SYNRG: variants seen among roughly 807,000 people sequenced by gnomAD.
The protein encoded by SYNRG is AP1 gamma subunit binding protein 1.
SYNRG carries 37 observed loss-of-function variants against 130.9 expected under a neutral mutation model. The observed-to-expected ratio is 0.28, with a 90% CI of 0.22 to 0.37. SYNRG has a LOEUF of 0.37. Among genes scored for constraint, SYNRG ranks in the 10% least tolerant of loss-of-function variants. The pLI, the probability that SYNRG is intolerant of heterozygous loss-of-function variation, is 1.00. For synonymous variants in SYNRG, 539 were observed against 568.1 expected, an observed-to-expected ratio of 0.95 and a Z score of 0.73; for missense variants, 1,338 against 1,588.9, an observed-to-expected ratio of 0.84 and a Z score of 2.68.
In SYNRG at chr17:37,525,772, C is replaced by T. The variant is rs565257455; in HGVS notation, c.3667-5124G>A. Among the ~76,000 whole-genome samples the T allele has an allele frequency of 7.2e-5, 11 of 152,298 alleles. No individual in the cohort carries two copies. In the South Asian group the frequency reaches 1.5e-3, roughly 20 times the overall value. ...CACGAGGTCAGGCTTTGGAGACCAG[C>T]CTGGCCAACATGGTGAAACCCCGTC... is the stretch of plus-strand genomic sequence containing the variant. On this transcript the variant is annotated intron_variant, in intron 19 of 21. Transcript: ENST00000612223.
chr17:37,534,065 G>C (rs1279272304), intron 19 of SYNRG, among the ~76,000 whole-genome samples: 1 of 148,762 alleles, frequency 6.7e-6, no homozygotes, highest in Non-Finnish European at 1.5e-5. Flanking sequence ...CTCCTGAGTA[G>C]TGGGGATTAC....
chr17:37,537,508 T>C (rs2057314993), intron 18 of SYNRG: 1 of 152,294 alleles, frequency 6.6e-6, no homozygotes, highest in African/African-American at 2.4e-5. Flanking sequence ...TGCACACCTG[T>C]GGTTCCAGCT....
At chr17:37,596,776 T>C (rs2062813781) in intron 2 of SYNRG, among the ~76,000 whole-genome samples, 1 of 152,070 alleles carries the variant, frequency 6.6e-6, no homozygotes, top group Admixed American at 6.6e-5. Flanking sequence ...ATTTTTTTTT[T>C]CTTTTGAGAC....
At position 37,541,026 on chromosome 17, in the gene SYNRG, C is replaced by G. The variant is rs941224478; in HGVS notation, c.3203-483G>C. 5.1e-6 allele frequency: 5 copies of G among 986,764 alleles called. No individual in the cohort carries two copies. In the African/African-American group the frequency reaches 8.7e-5, roughly 17 times the overall value. The allele number at this position is 986,764 out of a possible 1,614,324, so 61.1% of individuals were successfully genotyped here. On this transcript the variant is annotated intron_variant, in intron 15 of 21. Coordinates refer to ENST00000612223, the MANE Select transcript of SYNRG (RefSeq NM_007247.6). ...TGGGAAGCTACATGTTAAATCTTTT[C>G]TACTGTTCTCTCTTGCACGGTTTCC... is the stretch of plus-strand genomic sequence containing the variant.
At chr17:37,590,167 C>CAA (rs539326843) in intron 3 of SYNRG, among the ~76,000 whole-genome samples, 7 of 80,098 alleles carry the variant, frequency 8.7e-5, no homozygotes, top group African/African-American at 2.3e-4. Flanking sequence ...GACTCTGTCT[C>CAA]AAAAAAAAAA....
chr17:37,521,273 A>G (rs2074408), intron 19 of SYNRG, among the ~76,000 whole-genome samples: 41,563 of 151,598 alleles, frequency 0.27, 5,883 homozygotes, highest in Admixed American at 0.36. Context: ...CAGGTGATCC[A>G]CCCGCCTCAG....
chr17:37,584,489 T>TAA (rs1227350900), intron 6 of SYNRG, 159 bp downstream of exon 6: 2 of 553,504 alleles, frequency 3.6e-6, no homozygotes, highest in Non-Finnish European at 6.5e-6. Context: ...CCAGAGCTCT[T>TAA]AAGCCACTGT....
intron 14 of SYNRG, among the ~76,000 whole-genome samples, chr17:37,543,589 T>C (rs527498083): frequency 6.6e-6 from 1 of 152,342 alleles, no homozygotes; most frequent in South Asian, 2.1e-4. Flanking sequence ...GACTGTGTTA[T>C]GACCATCAAC....
chr17:37,579,710 T>C (rs1197850231), intron 6 of SYNRG, among the ~76,000 whole-genome samples: 1 of 152,176 alleles, frequency 6.6e-6, no homozygotes, highest in Non-Finnish European at 1.5e-5. Flanking sequence ...CATGTATCTA[T>C]TCATTTATTT....
intron 6 of SYNRG, 70 bp downstream of exon 6, chr17:37,584,578 G>A (rs1319438683): frequency 8.3e-6 from 10 of 1,200,666 alleles, no homozygotes; most frequent in East Asian, 2.3e-5. Context: ...ATATAATGGC[G>A]AGGTAAAGAA....
At chr17:37,546,588 T>C (rs921997749) in intron 14 of SYNRG, among the ~76,000 whole-genome samples, 6 of 152,214 alleles carry the variant, frequency 3.9e-5, no homozygotes, top group Non-Finnish European at 7.3e-5. Context: ...TGAATAGATG[T>C]TGTACATGAA....
intron 8 of SYNRG, 132 bp downstream of exon 8, chr17:37,576,209 T>C (rs1023058839): frequency 5.0e-6 from 4 of 798,848 alleles, no homozygotes; most frequent in South Asian, 3.7e-5. Context: ...TTCTGTACTC[T>C]TTCAGAAAAA....
chr17:37,560,406 G>A (rs2059436980), intron 13 of SYNRG, among the ~76,000 whole-genome samples: 1 of 150,834 alleles, frequency 6.6e-6, no homozygotes, highest in South Asian at 2.1e-4. Context: ...CATGATCTTG[G>A]TTCACTGCAA....
chr17:37,584,537 G>A (rs1393283919), intron 6 of SYNRG, 111 bp downstream of exon 6: 3 of 813,642 alleles, frequency 3.7e-6, no homozygotes, highest in Non-Finnish European at 6.1e-6. Context: ...TAGCTTGAAG[G>A]AAGAGTTCTA....
At chr17:37,536,259 C>T in intron 18 of SYNRG, 132 bp from the exon 19 acceptor site, 8 of 1,096,236 alleles carry the variant, frequency 7.3e-6, no homozygotes. Context: ...ACTTACTATT[C>T]TTTGGGACCA....
Position 37,576,329 on chromosome 17 carries a change from A to C in SYNRG, c.901+12T>G. ...ATCCAGATGGGAATCCTGGGTAAAG[A>C]AGCTTTTTTACCTGGAACCAAACTC... On this transcript the variant is annotated intron_variant, in intron 8 of 21. Coordinates refer to ENST00000612223, the MANE Select transcript of SYNRG (RefSeq NM_007247.6). 6.2e-7 allele frequency: 1 copy of C among 1,613,398 alleles called. No homozygotes were observed.
Position 37,570,796 on chromosome 17 carries a change from A to C in SYNRG, c.1188T>G (p.Pro396=), listed in dbSNP as rs1325054443. Residue 396 remains proline (P), a synonymous_variant, in exon 10 of 22, where the codon CCT becomes CCG. Coordinates refer to ENST00000612223, the MANE Select transcript of SYNRG (RefSeq NM_007247.6). ...TCACAGTTGGCTGACTCACCGGTGT[A>C]GGCAGAGTCATAGAAAAGCCACTTA... is the stretch of plus-strand genomic sequence containing the variant. The part of the protein sequence containing the change: ...PTLSGFSMTL[P]TPVSQPTVIP... The C allele has an allele frequency of 1.2e-6, 2 of 1,614,126 alleles. No homozygotes were observed. Among genetic ancestry groups the C allele is most frequent in the African/African-American group, 2.7e-5 (2 of 74,928 alleles).
intron 2 of SYNRG, among the ~76,000 whole-genome samples, chr17:37,599,302 C>G (rs1167419302): frequency 2.0e-5 from 3 of 152,188 alleles, no homozygotes; most frequent in African/African-American, 7.2e-5. Context: ...AGTTGCATGG[C>G]AGCATGGGTC....
At chr17:37,520,699 G>T in intron 19 of SYNRG, 51 bp from the exon 20 acceptor site, 2 of 1,475,804 alleles carry the variant, frequency 1.4e-6, no homozygotes, top group Non-Finnish European at 1.9e-6. Flanking sequence ...TCCACACGCT[G>T]TTCACTTCAC....
Sources: allele counts gnomAD v4.1 joint callset (sites outside exome capture counted in the v4.1 genomes callset), GRCh38; gene constraint gnomAD v4.1.1; transcripts MANE v1.5; gene names NCBI Gene and HGNC (gene_info 2026-07-23, HGNC 2026-07-21).